Variants in LSM2 observed in about 807,000 individuals in gnomAD.
The protein encoded by LSM2 is LSM2 homolog, U6 small nuclear RNA and mRNA degradation associated, also known as U6 snRNA-associated Sm-like protein LSm2.
In LSM2, 12 loss-of-function variants were observed where a neutral mutation model predicts 17.0. The observed-to-expected ratio is 0.70, with a 90% CI of 0.45 to 1.14. The LOEUF (loss-of-function observed/expected upper bound fraction) is 1.14. Ranked by LOEUF, LSM2 falls within the 50% of genes most tolerant of loss-of-function variation. LSM2 has a pLI of 0.00. For missense variants in LSM2, 62 were observed against 111.8 expected, an observed-to-expected ratio of 0.55 and a Z score of 2.01; for synonymous variants, 42 against 44.5, an observed-to-expected ratio of 0.94 and a Z score of 0.22.
chr6:31,806,307 G>C (rs1477431587), intron 1 of LSM2, among the ~76,000 whole-genome samples, 165 bp from the exon 2 acceptor site: 5 of 152,168 alleles, frequency 3.3e-5, no homozygotes, highest in African/African-American at 1.2e-4. Context: ...TGAAAGGCTG[G>C]AGCCCAAATT....
At chr6:31,806,644 G>A (rs781087855) in intron 1 of LSM2, 111 bp downstream of exon 1, 7 of 1,343,030 alleles carry the variant, frequency 5.2e-6, no homozygotes, top group Non-Finnish European at 7.3e-6. Flanking sequence ...TACTAAAGAT[G>A]AAGATAAAAA....
chr6:31,802,455 C>G (rs926405094), intron 2 of LSM2, among the ~76,000 whole-genome samples: 1 of 149,504 alleles, frequency 6.7e-6, no homozygotes, highest in South Asian at 2.1e-4. Flanking sequence ...ATTAGCTGGG[C>G]GTGGTGGTGC....
At chr6:31,798,421 T>A in intron 3 of LSM2, 56 bp downstream of exon 3, 1 of 1,603,580 alleles carries the variant, frequency 6.2e-7, no homozygotes, top group Non-Finnish European at 8.5e-7. Flanking sequence ...ACCCAACCCT[T>A]AAGTCTCCCC....
rs766899224 is a variant in LSM2, at chr6:31,806,910, G to A, written c.-153C>T. 40 of 1,028,872 alleles carry A rather than the reference G, an allele frequency of 3.9e-5. No individual in the cohort carries two copies. The highest frequency in any genetic ancestry group is 5.4e-5 in the Non-Finnish European group (39 of 726,094). 63.7% of individuals were successfully genotyped at this position (1,028,872 alleles called of 1,614,324 possible). On this transcript the variant is annotated 5_prime_UTR_variant, in exon 1 of 5. Coordinates refer to ENST00000375661, the MANE Select transcript of LSM2 (RefSeq NM_021177.5). ...ACGCAGAAAGCTCCAAGCGCTGACGGGCAAAGCGCGGCCGACTTGCGGCTG... is the reference window on the plus strand; with the variant it reads ...ACGCAGAAAGCTCCAAGCGCTGACGAGCAAAGCGCGGCCGACTTGCGGCTG...
In LSM2 at chr6:31,797,857, C is replaced by G; in HGVS notation, c.188G>C (p.Arg63Pro). ...HMLSVKNCFI[R>P]GSVVRYVQLP... ...CTGCACGTATCGGACCACTGAGCCC[C>G]GAATGAAGCAGTTCTTCACTGATAA... Residue 63 changes from arginine to proline, a missense_variant, in exon 5 of 5, where the codon CGG becomes CCG. Coordinates refer to ENST00000375661, the MANE Select transcript of LSM2 (RefSeq NM_021177.5). 1.2e-6 allele frequency: 2 copies of G among 1,612,876 alleles called. No individual in the cohort carries two copies. The highest frequency in any genetic ancestry group is 1.7e-6 in the Non-Finnish European group (2 of 1,180,020).
Position 31,797,861 on chromosome 6 carries a change from T to A in LSM2, c.184A>T (p.Ile62Phe). 1 of 1,613,026 alleles carries A rather than the reference T, an allele frequency of 6.2e-7. No individual in the cohort carries two copies. The highest frequency in any genetic ancestry group is 1.1e-5 in the South Asian group (1 of 91,084). ...PHMLSVKNCF[I>F]RGSVVRYVQL... is the part of the protein sequence containing the mutation. ...ACGTATCGGACCACTGAGCCCCGAA[T>A]GAAGCAGTTCTTCACTGATAACTAG... The change falls in exon 5 of 5, where the codon ATT becomes TTT. Residue 62 changes from isoleucine to phenylalanine, a missense_variant. By Grantham distance (21) the Ile-to-Phe change is conservative. Transcript: ENST00000375661.
intron 2 of LSM2, among the ~76,000 whole-genome samples, chr6:31,801,547 CA>C (rs1814705149): frequency 2.0e-5 from 3 of 152,146 alleles, no homozygotes; most frequent in Non-Finnish European, 4.4e-5. Flanking sequence ...GTGATCCCAG[CA>C]CTTTGGGAGG....
At chr6:31,799,974 G>A (rs915852513) in intron 2 of LSM2, among the ~76,000 whole-genome samples, 9 of 152,088 alleles carry the variant, frequency 5.9e-5, no homozygotes, top group Non-Finnish European at 8.8e-5. Context: ...CAGGAGGATC[G>A]CCTGAAGCCA....
At chr6:31,801,907 G>A (rs4711277) in intron 2 of LSM2, among the ~76,000 whole-genome samples, 20,720 of 151,796 alleles carry the variant, frequency 0.14, 1,735 homozygotes, top group Admixed American at 0.2. Context: ...AGGCTGAGGT[G>A]GGAGGATCAC....
chr6:31,800,312 G>A (rs1814621178), intron 2 of LSM2, among the ~76,000 whole-genome samples: 1 of 151,968 alleles, frequency 6.6e-6, no homozygotes, highest in South Asian at 2.1e-4. Context: ...CTCCAGCCTG[G>A]GTGACAGAGT....
intron 2 of LSM2, among the ~76,000 whole-genome samples, chr6:31,805,061 C>T (rs1364188135): frequency 6.6e-6 from 1 of 150,984 alleles, no homozygotes; most frequent in South Asian, 2.1e-4. Flanking sequence ...CCACCGCGCC[C>T]GGCCTGGCCT....
At position 31,798,022 on chromosome 6, in the gene LSM2, T is replaced by C. The variant is rs774389062; in HGVS notation, c.130A>G (p.Ser44Gly). Residue 44 changes from serine (S) to glycine (G), a missense_variant, in exon 4 of 5, where the codon AGT becomes GGT. Physicochemically the swap from Ser to Gly is moderately conservative, Grantham distance 56 (BLOSUM62 0). Coordinates refer to ENST00000375661, the MANE Select transcript of LSM2 (RefSeq NM_021177.5). ...QYLNIKLTDI[S>G]VTDPEKYPHM... Reference sequence around the variant, plus strand: ...GGGTATTTCTCAGGGTCTGTGACACTGATGTCAGTTAGTTTGATGTTGAGA... The same window carrying C: ...GGGTATTTCTCAGGGTCTGTGACACCGATGTCAGTTAGTTTGATGTTGAGA... The C allele has an allele frequency of 3.1e-6, 5 of 1,603,772 alleles. No individual in the cohort carries two copies. The South Asian group carries it at 4.5e-5, about 14-fold the overall frequency.
chr6:31,797,760 C>G lies in LSM2; in HGVS notation c.285G>C (p.Gln95His). The stretch of plus-strand genomic sequence containing the variant: ...AGGGGAAGAGGAGGAGGAGCCATCA[C>G]TGTTTCTGCTGCAGGGCTTCCTTCC... ...AARKEALQQK[Q>H] The change falls in exon 5 of 5, where the codon CAG (glutamine) becomes CAC (histidine). Residue 95 changes from glutamine to histidine, a missense_variant. Coordinates refer to ENST00000375661, the MANE Select transcript of LSM2 (RefSeq NM_021177.5). The G allele has an allele frequency of 6.2e-7, 1 of 1,612,802 alleles. No individual in the cohort carries two copies. The highest frequency in any genetic ancestry group is 8.5e-7 in the Non-Finnish European group (1 of 1,180,020).
chr6:31,798,613 T>C, intron 2 of LSM2, 106 bp from the exon 3 acceptor site: 2 of 1,313,548 alleles, frequency 1.5e-6, no homozygotes, highest in Non-Finnish European at 2.1e-6. Flanking sequence ...AGTCAAGGAC[T>C]TGAGGATGTC....
At chr6:31,798,248 A>G (rs916845916) in intron 3 of LSM2, among the ~76,000 whole-genome samples, 199 bp from the exon 4 acceptor site, 6 of 151,880 alleles carry the variant, frequency 4.0e-5, no homozygotes, top group African/African-American at 1.5e-4. Flanking sequence ...CGCCCAGCTA[A>G]TTTTTTGTAT....
At chr6:31,800,749 T>A (rs950290941) in intron 2 of LSM2, among the ~76,000 whole-genome samples, 1 of 152,206 alleles carries the variant, frequency 6.6e-6, no homozygotes, top group African/African-American at 2.4e-5. Context: ...TAGCCGGGCA[T>A]GGTGGCGGGC....
Position 31,799,458 on chromosome 6 carries a change from G to A in LSM2, c.72-951C>T, listed in dbSNP as rs150711228. ...TGAAAGCTCCATCTCCCAGGTTCAC[G>A]CCATTCTCCTGCCTCAGCCTCCCGA... is the stretch of plus-strand genomic sequence containing the variant. On this transcript the variant is annotated intron_variant, in intron 2 of 4. Coordinates refer to ENST00000375661, the MANE Select transcript of LSM2 (RefSeq NM_021177.5). Among the ~76,000 whole-genome samples, 905 of 152,156 alleles carry A rather than the reference G, an allele frequency of 5.9e-3. 4 individuals are homozygous for A. Among genetic ancestry groups the A allele is most frequent in the African/African-American group, 0.02 (812 of 41,520 alleles).
At position 31,797,978 on chromosome 6, in the gene LSM2, AC is replaced by A; in HGVS notation, c.162+11del. 2 of 1,607,138 alleles carry A rather than the reference AC, an allele frequency of 1.2e-6. No homozygotes were observed. The highest frequency in any genetic ancestry group is 1.7e-6 in the Non-Finnish European group (2 of 1,176,886). ...TAGAGGTGTTTCCTCTTCTCCACAG[AC>A]CCCAACTCACCATGTGAGGGTATTT... On this transcript the variant is annotated intron_variant, in intron 4 of 4. Transcript: ENST00000375661.
At chr6:31,806,222 A>G (rs1489493389) in intron 1 of LSM2, 80 bp from the exon 2 acceptor site, 2 of 1,327,066 alleles carry the variant, frequency 1.5e-6, no homozygotes, top group Non-Finnish European at 2.1e-6. Flanking sequence ...ATTACCAAAT[A>G]CTGGTATTGT....
Sources: gnomAD v4.1 joint callset for allele counts (sites outside exome capture counted in the v4.1 genomes callset) on GRCh38, gnomAD v4.1.1 for gene constraint, MANE v1.5 for transcripts, NCBI Gene and HGNC (gene_info 2026-07-23, HGNC 2026-07-21) for gene names.